PRORP: variants seen among roughly 807,000 people sequenced by gnomAD.
PRORP encodes the protein protein only RNase P catalytic subunit, also known as mitochondrial ribonuclease P catalytic subunit.
In PRORP, 51 loss-of-function variants were observed where a neutral mutation model predicts 59.4. The ratio of observed to expected loss-of-function variants is 0.86; its 90% CI spans 0.69 to 1.08. The LOEUF (loss-of-function observed/expected upper bound fraction) is 1.08, where lower values mean the gene tolerates loss of function less well. Among genes scored for constraint, PRORP ranks in the 50% least tolerant of loss-of-function variants. The pLI is 0.00. For missense variants in PRORP, 646 were observed against 690.3 expected (o/e 0.94, Z 0.72); for synonymous variants, 231 against 245.6 (o/e 0.94, Z 0.55).
intron 5 of PRORP, among the ~76,000 whole-genome samples, chr14:35,223,617 G>A (rs940556549): frequency 1.3e-5 from 2 of 151,834 alleles, no homozygotes; most frequent in Admixed American, 6.6e-5. Context: ...GCGCCACTGC[G>A]CCCAGCTAAT....
chr14:35,203,822 G>A (rs185077147), intron 5 of PRORP, among the ~76,000 whole-genome samples: 1 of 152,094 alleles, frequency 6.6e-6, no homozygotes, highest in Admixed American at 6.5e-5. Context: ...CTGAGATCAC[G>A]CCACTGCACT....
At chr14:35,157,332 C>T (rs972438955) in intron 4 of PRORP, among the ~76,000 whole-genome samples, 6 of 152,116 alleles carry the variant, frequency 3.9e-5, no homozygotes, top group African/African-American at 1.4e-4. Context: ...GATGTGGTTT[C>T]TTCCCAAGTC....
intron 4 of PRORP, among the ~76,000 whole-genome samples, chr14:35,145,974 G>T (rs1022250590): frequency 4.6e-5 from 7 of 151,458 alleles, no homozygotes; most frequent in Non-Finnish European, 7.4e-5. Context: ...GATTACAGGC[G>T]CCTGCCACCA....
intron 5 of PRORP, among the ~76,000 whole-genome samples, chr14:35,210,698 GAT>G (rs1335696229): frequency 7.2e-6 from 1 of 138,846 alleles, no homozygotes; most frequent in Non-Finnish European, 1.5e-5. Flanking sequence ...GGAATACTAA[GAT>G]ATGCCTGCTG....
At chr14:35,261,697 C>G (rs961358209) in intron 5 of PRORP, among the ~76,000 whole-genome samples, 2 of 151,990 alleles carry the variant, frequency 1.3e-5, no homozygotes, top group African/African-American at 2.4e-5. Flanking sequence ...CCATTGCACT[C>G]CAGCCTGGGT....
At chr14:35,247,965 A>G (rs1443706095) in intron 5 of PRORP, among the ~76,000 whole-genome samples, 3 of 152,120 alleles carry the variant, frequency 2.0e-5, no homozygotes, top group Non-Finnish European at 2.9e-5. Flanking sequence ...AGTTTTCTAA[A>G]AGGCTGGATG....
chr14:35,213,787 A>G (rs1210474243), intron 5 of PRORP, among the ~76,000 whole-genome samples: 2 of 152,198 alleles, frequency 1.3e-5, no homozygotes, highest in South Asian at 2.1e-4. Context: ...CCCCAAAACA[A>G]TTACAGTAGT....
chr14:35,179,651 A>G (rs1595252074), intron 4 of PRORP, among the ~76,000 whole-genome samples: 1 of 150,056 alleles, frequency 6.7e-6, no homozygotes, highest in South Asian at 2.1e-4. Context: ...AATCTTTTTT[A>G]AAGGTTTTTA....
At chr14:35,241,598 T>C (rs1259183558) in intron 5 of PRORP, among the ~76,000 whole-genome samples, 1 of 152,170 alleles carries the variant, frequency 6.6e-6, no homozygotes, top group Non-Finnish European at 1.5e-5. Flanking sequence ...ATGTTCTTTC[T>C]GAAATGGAAA....
chr14:35,152,195 T>C (rs1407059283), intron 4 of PRORP, among the ~76,000 whole-genome samples: 3 of 152,196 alleles, frequency 2.0e-5, no homozygotes, highest in Non-Finnish European at 4.4e-5. Flanking sequence ...CCGCCCTTAA[T>C]CCATTCAACC....
chr14:35,267,020 T>G, intron 6 of PRORP, 145 bp downstream of exon 6: 2 of 782,888 alleles, frequency 2.6e-6, no homozygotes, highest in East Asian at 5.8e-5. Context: ...TGAGACAACT[T>G]ACAAAACTAC....
intron 5 of PRORP, among the ~76,000 whole-genome samples, chr14:35,201,722 G>A (rs1051662824): frequency 6.0e-5 from 9 of 149,668 alleles, no homozygotes; most frequent in South Asian, 4.2e-4. Flanking sequence ...GCAGTGGTGC[G>A]ATCTTGGCTC....
intron 4 of PRORP, among the ~76,000 whole-genome samples, chr14:35,162,043 C>T (rs1199627095): frequency 6.6e-6 from 1 of 151,888 alleles, no homozygotes; most frequent in Non-Finnish European, 1.5e-5. Flanking sequence ...CTTTCTCCTT[C>T]CTCTCTCTCC....
Position 35,183,786 on chromosome 14 carries a change from C to T in PRORP, c.1275+3009C>T, listed in dbSNP as rs540305039. On this transcript the variant is annotated intron_variant, in intron 5 of 7. Transcript: ENST00000534898. ...TCAGCCACTCACCTATGCCATGAGTCCGCTAAGTGAAAAGGGCTGGATGGT... is the reference window on the plus strand; with the variant it reads ...TCAGCCACTCACCTATGCCATGAGTTCGCTAAGTGAAAAGGGCTGGATGGT... 1.3e-4 allele frequency among the ~76,000 whole-genome samples: 20 copies of T among 152,242 alleles called. 1 individual carries two copies. In the South Asian group the frequency reaches 3.5e-3, roughly 27 times the overall value.
intron 6 of PRORP, among the ~76,000 whole-genome samples, chr14:35,269,029 CAGA>C: frequency 6.6e-6 from 1 of 152,124 alleles, no homozygotes; most frequent in Non-Finnish European, 1.5e-5. Context: ...TCTCCAAGAG[CAGA>C]AGACCTAATG....
intron 5 of PRORP, chr14:35,235,485 T>TG (rs988398794): frequency 3.2e-6 from 2 of 626,876 alleles, no homozygotes; most frequent in Admixed American, 2.1e-5. Flanking sequence ...ACTAGCTTGA[T>TG]GGGATCCACT....
chr14:35,264,428 T>TA (rs1212518653), intron 5 of PRORP, among the ~76,000 whole-genome samples: 2 of 151,914 alleles, frequency 1.3e-5, no homozygotes, highest in Admixed American at 1.3e-4. Flanking sequence ...GGCCTAATTT[T>TA]TTTTTTTTTA....
intron 3 of PRORP, among the ~76,000 whole-genome samples, chr14:35,127,205 A>G (rs965364755): frequency 6.6e-6 from 1 of 152,150 alleles, no homozygotes; most frequent in African/African-American, 2.4e-5. Context: ...ATCCTGGCCA[A>G]CATGTTGAAA....
At chr14:35,225,925 A>G (rs2049922865) in intron 5 of PRORP, among the ~76,000 whole-genome samples, 1 of 152,160 alleles carries the variant, frequency 6.6e-6, no homozygotes. Context: ...AAAGAGCTTA[A>G]GAAGCATAGC....
Sources: allele counts gnomAD v4.1 joint callset (sites outside exome capture counted in the v4.1 genomes callset), GRCh38; gene constraint gnomAD v4.1.1; transcripts MANE v1.5; gene names NCBI Gene and HGNC (gene_info 2026-07-23, HGNC 2026-07-21).